The following DOCK3 variants were observed in gnomAD, a reference collection of about 807,000 sequenced individuals.
DOCK3 encodes dedicator of cytokinesis 3, also known as dedicator of cytokinesis protein 3.
Under a neutral mutation model 265.6 loss-of-function variants are expected in DOCK3, and 60 were observed. The observed-to-expected ratio is 0.23, with a 90% CI of 0.18 to 0.28. The LOEUF is 0.28. Among genes scored for constraint, DOCK3 ranks in the 10% least tolerant of loss-of-function variants. The pLI is 1.00. For synonymous variants in DOCK3, 881 were observed against 938.0 expected (o/e 0.94, Z 1.11); for missense variants, 1,981 against 2,594.3 (o/e 0.76, Z 5.14).
chr3:51,026,928 T>A (rs1257674548), intron 5 of DOCK3, among the ~76,000 whole-genome samples: 3 of 152,100 alleles, frequency 2.0e-5, no homozygotes, highest in Non-Finnish European at 2.9e-5. Context: ...TTCTTTTTGA[T>A]CCTTTGTATG....
At chr3:51,280,303 A>G (rs2081045230) in intron 27 of DOCK3, 99 bp downstream of exon 27, 1 of 1,128,066 alleles carries the variant, frequency 8.9e-7, no homozygotes, top group South Asian at 1.5e-5. Context: ...AGTGACTAGC[A>G]TTGCCACGGG....
At chr3:51,004,640 T>G (rs1411167263) in intron 5 of DOCK3, among the ~76,000 whole-genome samples, 8 of 151,998 alleles carry the variant, frequency 5.3e-5, no homozygotes, top group Non-Finnish European at 1.0e-4. Context: ...TACTGCATTA[T>G]TCTACTGATT....
Position 51,344,028 on chromosome 3 carries a change from T to C in DOCK3, c.3915+2643T>C, listed in dbSNP as rs2085401894. ...GAAGGGGTGATGTGAAGATCAGAGC[T>C]GGTCCTGCATCTCTAGGTGGAGGAA... On this transcript the variant is annotated intron_variant, in intron 38 of 52. Transcript: ENST00000266037. Among the ~76,000 whole-genome samples, 3 of 152,198 alleles carry C rather than the reference T, an allele frequency of 2.0e-5. No homozygotes were observed. The South Asian group carries it at 6.2e-4, about 32-fold the overall frequency.
At chr3:50,879,466 A>C (rs576269189) in intron 3 of DOCK3, among the ~76,000 whole-genome samples, 36,793 of 151,588 alleles carry the variant, frequency 0.24, 5,563 homozygotes, top group East Asian at 0.39. Flanking sequence ...AAAAAAAAGG[A>C]AGGGGTTGCA....
At position 51,362,668 on chromosome 3, in the gene DOCK3, G is replaced by A. The variant is rs2086821770; in HGVS notation, c.5287G>A (p.Ala1763Thr). The A allele has an allele frequency of 6.2e-7, 1 of 1,613,314 alleles. No individual in the cohort carries two copies. The highest frequency in any genetic ancestry group is 8.5e-7 in the Non-Finnish European group (1 of 1,179,626). ...SQMITSAPSS[A>T]RGSPSLPDKY... ...GATGATTACCTCTGCCCCTTCCAGTGCCCGAGGTAAGGATGGCAGGGTGCT... is the reference window on the plus strand; with the variant it reads ...GATGATTACCTCTGCCCCTTCCAGTACCCGAGGTAAGGATGGCAGGGTGCT... Residue 1763 changes from alanine to threonine, a missense_variant, in exon 49 of 53, where the codon GCC becomes ACC. This residue lies in a region of DOCK3 where 1,357 missense variants were observed against 1,866.8 expected (regional missense o/e 0.73). Transcript: ENST00000266037.
chr3:51,016,676 T>TTTATATATCATATAATATATAAATATATA (rs1166316839), intron 5 of DOCK3, among the ~76,000 whole-genome samples: 3 of 33,178 alleles, frequency 9.0e-5, no homozygotes, highest in South Asian at 1.2e-3. Context: ...ATGATATATA[T>TTTATATATCATATAATATATAAATATATA]TTATATATCA....
chr3:50,737,852 C>T (rs1056268596), intron 1 of DOCK3, among the ~76,000 whole-genome samples: 1 of 152,174 alleles, frequency 6.6e-6, no homozygotes, highest in African/African-American at 2.4e-5. Flanking sequence ...GCTCACTGAA[C>T]TAATATAAGA....
chr3:51,231,121 C>CTTTTTTTTT (rs754271357), intron 19 of DOCK3, among the ~76,000 whole-genome samples: 17 of 77,748 alleles, frequency 2.2e-4, no homozygotes, highest in African/African-American at 2.5e-4. Flanking sequence ...TATTTTTTGA[C>CTTTTTTTTT]TTTTTTTTTT....
intron 5 of DOCK3, among the ~76,000 whole-genome samples, chr3:51,015,844 GATATATATC>G (rs2079153082): frequency 0.062 from 2 of 32 alleles, 1 homozygote; most frequent in African/African-American, 0.25. Flanking sequence ...TTCTATATAT[GATATATATC>G]ATATATATGA....
chr3:50,731,570 A>T (rs1576269486), intron 1 of DOCK3, among the ~76,000 whole-genome samples: 1 of 143,324 alleles, frequency 7.0e-6, no homozygotes, highest in Non-Finnish European at 1.5e-5. Flanking sequence ...AGGTATTTTT[A>T]AAAATAAATC....
intron 23 of DOCK3, among the ~76,000 whole-genome samples, chr3:51,265,677 A>G (rs907459979): frequency 6.6e-6 from 1 of 152,162 alleles, no homozygotes; most frequent in Non-Finnish European, 1.5e-5. Context: ...CTCTCAATAA[A>G]CTAGGTATTG....
intron 5 of DOCK3, among the ~76,000 whole-genome samples, chr3:51,006,973 G>A (rs909423637): frequency 2.6e-5 from 4 of 152,134 alleles, no homozygotes; most frequent in African/African-American, 9.7e-5. Flanking sequence ...TTATGGCTGT[G>A]TAGTATTCCA....
At chr3:51,097,961 A>G (rs959944456) in intron 9 of DOCK3, among the ~76,000 whole-genome samples, 5 of 152,006 alleles carry the variant, frequency 3.3e-5, no homozygotes, top group Non-Finnish European at 7.4e-5. Context: ...AACCAGCCCC[A>G]ATGAGATGAG....
intron 5 of DOCK3, among the ~76,000 whole-genome samples, chr3:51,060,274 A>AC (rs1246536141): frequency 2.0e-5 from 3 of 151,978 alleles, no homozygotes; most frequent in Non-Finnish European, 2.9e-5. Flanking sequence ...TATTTATTTA[A>AC]CCCCCCAGTG....
intron 1 of DOCK3, among the ~76,000 whole-genome samples, chr3:50,697,685 T>C (rs2035723482): frequency 6.6e-6 from 1 of 152,184 alleles, no homozygotes; most frequent in Admixed American, 6.5e-5. Flanking sequence ...TGTTTTGCCA[T>C]TTCTTCTTTT....
chr3:51,247,524 C>T (rs1355268281), intron 22 of DOCK3, among the ~76,000 whole-genome samples: 5 of 152,258 alleles, frequency 3.3e-5, no homozygotes, highest in African/African-American at 1.2e-4. Flanking sequence ...TTTAATATCA[C>T]ATCACCTGCA....
At chr3:50,778,823 T>G in intron 2 of DOCK3, 65 bp downstream of exon 2, 1 of 1,141,604 alleles carries the variant, frequency 8.8e-7, no homozygotes, top group East Asian at 2.6e-5. Flanking sequence ...TACATTTATT[T>G]TGTGCTAATA....
intron 1 of DOCK3, among the ~76,000 whole-genome samples, chr3:50,750,634 T>C (rs1230275691): frequency 6.6e-6 from 1 of 152,122 alleles, no homozygotes; most frequent in Non-Finnish European, 1.5e-5. Flanking sequence ...GGCCTACCTT[T>C]GCTTTTGCAT....
chr3:50,714,634 A>G (rs1421210106), intron 1 of DOCK3, among the ~76,000 whole-genome samples: 1 of 152,096 alleles, frequency 6.6e-6, no homozygotes, highest in Non-Finnish European at 1.5e-5. Context: ...ATTTTTTTGT[A>G]GAGATGGAGT....
Sources: allele counts gnomAD v4.1 joint callset (sites outside exome capture counted in the v4.1 genomes callset), GRCh38; gene constraint gnomAD v4.1.1; regional missense constraint gnomAD v4.1.1; transcripts MANE v1.5; gene names NCBI Gene and HGNC (gene_info 2026-07-23, HGNC 2026-07-21).